The following DNER variants were observed in gnomAD, a reference collection of about 807,000 sequenced individuals.
DNER encodes delta and Notch-like epidermal growth factor-related receptor.
A neutral mutation model predicts 78.2 loss-of-function variants in DNER; 33 were observed. That is an observed-to-expected ratio of 0.42 (90% CI 0.32 to 0.56). DNER has a LOEUF of 0.56. DNER is among the 20% of genes least tolerant of loss of function. The pLI, the probability that DNER is intolerant of heterozygous loss-of-function variation, is 0.11. For synonymous variants in DNER, 417 were observed against 384.8 expected, an observed-to-expected ratio of 1.08 and a Z score of -0.98; for missense variants, 918 against 975.3, an observed-to-expected ratio of 0.94 and a Z score of 0.78.
intron 8 of DNER, among the ~76,000 whole-genome samples, chr2:229,435,030 A>T (rs1694092588): frequency 1.3e-5 from 2 of 152,060 alleles, no homozygotes; most frequent in African/African-American, 4.8e-5. Context: ...AAAAAAAAAT[A>T]GCTACAAGTT....
At chr2:229,519,800 A>G (rs1696059363) in intron 5 of DNER, among the ~76,000 whole-genome samples, 1 of 152,060 alleles carries the variant, frequency 6.6e-6, no homozygotes, top group African/African-American at 2.4e-5. Flanking sequence ...CAATGGTGGC[A>G]TTTTAGTTCT....
chr2:229,544,488 G>A (rs1225377576), intron 5 of DNER, among the ~76,000 whole-genome samples: 4 of 151,702 alleles, frequency 2.6e-5, no homozygotes, highest in Non-Finnish European at 5.9e-5. Flanking sequence ...ACAGAAAAAT[G>A]TTATATATCT....
intron 10 of DNER, among the ~76,000 whole-genome samples, chr2:229,397,463 C>CACAAAAAAAAAAAAAAAAA (rs1693171174): frequency 1.0e-5 from 1 of 96,598 alleles, no homozygotes; most frequent in Non-Finnish European, 2.1e-5. Flanking sequence ...CCAAACACTA[C>CACAAAAAAAAAAAAAAAAA]AAAAAAAAAA....
intron 1 of DNER, among the ~76,000 whole-genome samples, chr2:229,637,376 T>A (rs1488803762): frequency 6.6e-6 from 1 of 152,372 alleles, no homozygotes; most frequent in East Asian, 1.9e-4. Context: ...AGTGGTGTGC[T>A]GAAGTTGGTT....
At chr2:229,655,402 G>A (rs1698895957) in intron 1 of DNER, among the ~76,000 whole-genome samples, 1 of 152,100 alleles carries the variant, frequency 6.6e-6, no homozygotes, top group Non-Finnish European at 1.5e-5. Context: ...GAGTGTTAGG[G>A]GTGAGAGAGG....
At position 229,514,413 on chromosome 2, in the gene DNER, C is replaced by T. The variant is rs537144894; in HGVS notation, c.994-1477G>A. 4.6e-5 allele frequency among the ~76,000 whole-genome samples: 7 copies of T among 152,246 alleles called. No homozygotes were observed. The South Asian group carries it at 1.5e-3, about 32-fold the overall frequency. Reference sequence around the variant, plus strand: ...GGCAGCTCTTCCGGAATAATTTTGGCCTCAGAGGGATGCTTGTAGAATTTA... The same window carrying T: ...GGCAGCTCTTCCGGAATAATTTTGGTCTCAGAGGGATGCTTGTAGAATTTA... On this transcript the variant is annotated intron_variant, in intron 5 of 12. Transcript: ENST00000341772.
chr2:229,424,908 CAGGTG>C lies in DNER; in HGVS notation c.1487-6683_1487-6679del, dbSNP rs202229756. On this transcript the variant is annotated intron_variant, in intron 8 of 12. Coordinates refer to ENST00000341772, the MANE Select transcript of DNER (RefSeq NM_139072.4). Reference sequence around the variant, plus strand: ...TAGATTCCAATAATACCATCCTTCCCAGGTGTAATGATTAAAAATGTCCCCATTGT... The same window carrying C: ...TAGATTCCAATAATACCATCCTTCCCTAATGATTAAAAATGTCCCCATTGT... Among the ~76,000 whole-genome samples, 4 of 152,240 alleles carry C rather than the reference CAGGTG, an allele frequency of 2.6e-5. No individual in the cohort carries two copies. In the East Asian group the frequency reaches 7.7e-4, roughly 29 times the overall value.
intron 6 of DNER, among the ~76,000 whole-genome samples, chr2:229,505,463 G>A (rs997721315): frequency 2.6e-5 from 4 of 152,104 alleles, no homozygotes; most frequent in African/African-American, 4.8e-5. Context: ...AGCCGGGGGG[G>A]TCCCCTGGAC....
chr2:229,694,265 G>A (rs1191164628), intron 1 of DNER, among the ~76,000 whole-genome samples: 3 of 152,222 alleles, frequency 2.0e-5, no homozygotes, highest in Non-Finnish European at 4.4e-5. Flanking sequence ...TTGCTGCAGG[G>A]GCAGAGCCCC....
chr2:229,684,813 C>A (rs1000716167), intron 1 of DNER, among the ~76,000 whole-genome samples: 4 of 152,114 alleles, frequency 2.6e-5, no homozygotes, highest in African/African-American at 9.7e-5. Flanking sequence ...CCTATTTATG[C>A]CCCACAGTTT....
chr2:229,404,151 G>A (rs1693330349), intron 10 of DNER, among the ~76,000 whole-genome samples: 1 of 152,036 alleles, frequency 6.6e-6, no homozygotes, highest in Admixed American at 6.6e-5. Flanking sequence ...AGATCTAAGA[G>A]GTTTTTAGGA....
At position 229,588,497 on chromosome 2, in the gene DNER, G is replaced by GAA; in HGVS notation, c.586-10_586-9insTT. On this transcript the variant is annotated splice_polypyrimidine_tract_variant and intron_variant, in intron 2 of 12. Transcript: ENST00000341772. ...GCAATATCTGGGATCACCTGGGAAG[G>GAA]GAAAAAAAAAACGACATATGATTGG... 5 of 1,335,114 alleles carry GAA rather than the reference G, an allele frequency of 3.7e-6. No homozygotes were observed. Among genetic ancestry groups the GAA allele is most frequent in the African/African-American group, 3.2e-5 (1 of 30,958 alleles). 82.7% of individuals were successfully genotyped at this position (1,335,114 alleles called of 1,614,324 possible).
At chr2:229,562,531 A>G (rs1696979051) in intron 4 of DNER, among the ~76,000 whole-genome samples, 1 of 152,188 alleles carries the variant, frequency 6.6e-6, no homozygotes, top group African/African-American at 2.4e-5. Flanking sequence ...AGAAGTGGTA[A>G]TTGCCCATAA....
chr2:229,438,234 G>T (rs1170447174), intron 8 of DNER, among the ~76,000 whole-genome samples: 1 of 152,150 alleles, frequency 6.6e-6, no homozygotes, highest in Non-Finnish European at 1.5e-5. Context: ...AACGTCTATT[G>T]GTCAAGTATC....
chr2:229,451,975 G>A (rs907398728), intron 7 of DNER, among the ~76,000 whole-genome samples: 5 of 152,112 alleles, frequency 3.3e-5, no homozygotes, highest in Non-Finnish European at 1.5e-5. Flanking sequence ...AGACATAAAG[G>A]GTCATGGCTT....
At chr2:229,477,539 C>A (rs1019854376) in intron 6 of DNER, among the ~76,000 whole-genome samples, 1 of 152,166 alleles carries the variant, frequency 6.6e-6, no homozygotes, top group Non-Finnish European at 1.5e-5. Context: ...AAATATCAGT[C>A]GGAACTTTCA....
intron 5 of DNER, among the ~76,000 whole-genome samples, chr2:229,525,820 G>A (rs1419492638): frequency 6.6e-6 from 1 of 152,104 alleles, no homozygotes; most frequent in African/African-American, 2.4e-5. Context: ...TCACCATGTT[G>A]GCCAGGCTGG....
intron 1 of DNER, among the ~76,000 whole-genome samples, chr2:229,631,028 C>T (rs1698425938): frequency 6.6e-6 from 1 of 152,072 alleles, no homozygotes; most frequent in African/African-American, 2.4e-5. Context: ...TTTTCTTTAT[C>T]CAATCCACCA....
intron 11 of DNER, among the ~76,000 whole-genome samples, chr2:229,374,217 A>T (rs376994375): frequency 6.6e-6 from 1 of 151,896 alleles, no homozygotes; most frequent in East Asian, 1.9e-4. Flanking sequence ...AGAGGCCACA[A>T]CAATAGACAT....
Sources: gnomAD v4.1 joint callset for allele counts (sites outside exome capture counted in the v4.1 genomes callset) on GRCh38, gnomAD v4.1.1 for gene constraint, MANE v1.5 for transcripts, NCBI Gene and HGNC (gene_info 2026-07-23, HGNC 2026-07-21) for gene names.